Variants in ENGASE observed in about 807,000 individuals in gnomAD.
ENGASE encodes endo-beta-N-acetylglucosaminidase.
A neutral mutation model predicts 78.5 loss-of-function variants in ENGASE; 69 were observed. The ratio of observed to expected loss-of-function variants is 0.88; its 90% CI spans 0.72 to 1.07. The LOEUF (loss-of-function observed/expected upper bound fraction) is 1.07, where lower values mean the gene tolerates loss of function less well. Among genes scored for constraint, ENGASE ranks in the 50% least tolerant of loss-of-function variants. The pLI, the probability that ENGASE is intolerant of heterozygous loss-of-function variation, is 0.00. For missense variants in ENGASE, 943 were observed against 988.4 expected, an observed-to-expected ratio of 0.95 and a Z score of 0.62; for synonymous variants, 408 against 408.9, an observed-to-expected ratio of 1.00 and a Z score of 0.03.
intron 3 of ENGASE, among the ~76,000 whole-genome samples, chr17:79,079,215 G>A (rs1042498948): frequency 6.6e-6 from 1 of 152,158 alleles, no homozygotes; most frequent in Admixed American, 6.5e-5. Flanking sequence ...CCAGGCTGGA[G>A]TACAGTGGTA....
intron 1 of ENGASE, among the ~76,000 whole-genome samples, chr17:79,076,328 G>T (rs990165090): frequency 6.6e-6 from 1 of 152,210 alleles, no homozygotes; most frequent in East Asian, 1.9e-4. Context: ...GCACTTGGGA[G>T]GCTGAGGCGT....
intron 6 of ENGASE, 152 bp downstream of exon 6, chr17:79,081,225 A>G (rs2015651): frequency 0.38 from 398,629 of 1,049,932 alleles, 81,420 homozygotes; most frequent in East Asian, 0.61. Flanking sequence ...AAGGTGGGCC[A>G]GGCGCAGTGG....
chr17:79,085,936 G>C lies in ENGASE; in HGVS notation c.1819G>C (p.Val607Leu). The C allele has an allele frequency of 6.3e-7, 1 of 1,594,812 alleles. No homozygotes were observed. The highest frequency in any genetic ancestry group is 1.3e-5 in the African/African-American group (1 of 74,940). Residue 607 changes from valine to leucine, a missense_variant, in exon 14 of 14, where the codon GTG becomes CTG. Physicochemically the swap from Val to Leu is conservative, Grantham distance 32. Transcript: ENST00000579016. ...GCTGAGCCTTCTCTCCTGCCAGGTG[G>C]TGGACGCTGCCAGCCTGCTGGCCCC... is the stretch of plus-strand genomic sequence containing the variant. ...FTCRLGEIQVVDAASLLAPLP... is the reference protein window; with the variant it reads ...FTCRLGEIQVLDAASLLAPLP...
chr17:79,080,375 A>C lies in ENGASE; in HGVS notation c.723+11A>C. ...GAGAACTCGCTGAGTGTGAGTGCCC[A>C]GCCCTCACCCACCTCCCCGCCCCTT... On this transcript the variant is annotated intron_variant, in intron 5 of 13. Transcript: ENST00000579016. The C allele has an allele frequency of 6.2e-7, 1 of 1,611,512 alleles. No homozygotes were observed.
chr17:79,082,060 C>T lies in ENGASE; in HGVS notation c.1035C>T (p.Asp345=). The part of the protein sequence containing the change: ...GNVVGGRFDT[D]KSLELIRKHG... ...TGGTCGGAGGCCGATTCGACACAGA[C>T]AAGGTGGGTGGTGGCTTTCGTCCAA... The change falls in exon 7 of 14, where the codon GAC becomes GAT. Residue 345 remains aspartate, a synonymous_variant. Transcript: ENST00000579016. 1.2e-6 allele frequency: 2 copies of T among 1,614,212 alleles called. No individual in the cohort carries two copies. The highest frequency in any genetic ancestry group is 1.7e-6 in the Non-Finnish European group (2 of 1,180,020).
Position 79,083,117 on chromosome 17 carries a change from A to G in ENGASE, c.1136A>G (p.Gln379Arg), listed in dbSNP as rs1388529948. The change falls in exon 8 of 14, where the codon CAG (glutamine) becomes CGG (arginine). Residue 379 changes from glutamine (Q) to arginine (R), a missense_variant. By Grantham distance (43) the Gln-to-Arg change is conservative. Coordinates refer to ENST00000579016, the MANE Select transcript of ENGASE (RefSeq NM_001042573.3). The surrounding 1 kb of genome is among the most constrained non-coding windows in gnomAD (Gnocchi z 4.9). ...CLEKKDFFQN[Q>R]DKFWGRLERY... ...GAGAAGAAGGATTTCTTCCAGAACC[A>G]GGACAAGTGAGTCCTGCTGTCCTGG... is the stretch of plus-strand genomic sequence containing the variant. 3 of 1,611,734 alleles carry G rather than the reference A, an allele frequency of 1.9e-6. No homozygotes were observed. Among genetic ancestry groups the G allele is most frequent in the Middle Eastern group, 1.7e-4 (1 of 6,060 alleles).
intron 7 of ENGASE, chr17:79,082,542 G>A: frequency 1.6e-6 from 2 of 1,218,508 alleles, no homozygotes; most frequent in Non-Finnish European, 2.1e-6. Context: ...ACAGAGGAAG[G>A]AGCGGGGCCA....
At chr17:79,084,470 G>A (rs1024030658) in intron 10 of ENGASE, 68 bp from the exon 11 acceptor site, 28 of 1,451,300 alleles carry the variant, frequency 1.9e-5, no homozygotes, top group East Asian at 2.6e-5. Flanking sequence ...TGGTGGACGC[G>A]ATTTGGAGCT....
intron 11 of ENGASE, 57 bp downstream of exon 11, chr17:79,084,743 A>C: frequency 6.3e-7 from 1 of 1,581,828 alleles, no homozygotes; most frequent in Non-Finnish European, 8.6e-7. Context: ...CAGGGAAGAG[A>C]AGTGTGGAGA....
At chr17:79,075,507 T>C (rs2072947639) in intron 1 of ENGASE, among the ~76,000 whole-genome samples, 1 of 152,182 alleles carries the variant, frequency 6.6e-6, no homozygotes, top group Non-Finnish European at 1.5e-5. Context: ...ACACTAGAAC[T>C]GAGTCTTTGG....
Position 79,079,435 on chromosome 17 carries a change from T to C in ENGASE, c.417-54T>C. ...CACCTGCCTTGGCCTGCCAAAGTGC[T>C]GGGAATAAAGGCATGAGCTGCCGTG... On this transcript the variant is annotated intron_variant, in intron 3 of 13. Transcript: ENST00000579016. The C allele has an allele frequency of 1.9e-6, 3 of 1,578,620 alleles. No homozygotes were observed. The Admixed American group carries it at 5.4e-5, about 28-fold the overall frequency.
rs376909473 is a variant in ENGASE, at chr17:79,086,382, C to T, written c.*33C>T. ...CTAAGGCCGGGTGGTCTCCTGGCCT[C>T]GGGCTGAGGCCTCTTCCCGGCTGTC... On this transcript the variant is annotated 3_prime_UTR_variant, in exon 14 of 14. Coordinates refer to ENST00000579016, the MANE Select transcript of ENGASE (RefSeq NM_001042573.3). 379 of 1,584,180 alleles carry T rather than the reference C, an allele frequency of 2.4e-4. No individual in the cohort carries two copies. Among genetic ancestry groups the T allele is most frequent in the Non-Finnish European group, 3.1e-4 (360 of 1,164,700 alleles).
At position 79,084,725 on chromosome 17, in the gene ENGASE, G is replaced by T. The variant is rs750131354; in HGVS notation, c.1591+39G>T. The stretch of plus-strand genomic sequence containing the variant: ...GCCCAGGCCTGCCTCTGCCCAGGGC[G>T]GAGAGCTCAGGGAAGAGAAGTGTGG... On this transcript the variant is annotated intron_variant, in intron 11 of 13. Coordinates refer to ENST00000579016, the MANE Select transcript of ENGASE (RefSeq NM_001042573.3). The T allele has an allele frequency of 1.9e-6, 3 of 1,602,020 alleles. No individual in the cohort carries two copies. The African/African-American group carries it at 4.0e-5, about 22-fold the overall frequency.
chr17:79,076,331 T>C (rs747101946), intron 1 of ENGASE, among the ~76,000 whole-genome samples: 3 of 152,198 alleles, frequency 2.0e-5, no homozygotes, highest in Admixed American at 6.5e-5. Context: ...CTTGGGAGGC[T>C]GAGGCGTGTG....
chr17:79,074,883 C>T lies in ENGASE; in HGVS notation c.-62C>T. The T allele has an allele frequency of 1.6e-6, 2 of 1,234,644 alleles. No homozygotes were observed. Among genetic ancestry groups the T allele is most frequent in the Middle Eastern group, 3.2e-4 (1 of 3,108 alleles). 76.5% of individuals were successfully genotyped at this position (1,234,644 alleles called of 1,614,324 possible). On this transcript the variant is annotated 5_prime_UTR_variant, in exon 1 of 14. Transcript: ENST00000579016. ...TCAGCGCTGCGCACTTCCCATTGGC[C>T]GAGCGCGGCGCGGGGGCGGGCCCGG...
At chr17:79,080,884 C>A in intron 5 of ENGASE, 41 bp from the exon 6 acceptor site, 1 of 1,585,786 alleles carries the variant, frequency 6.3e-7, no homozygotes, top group Non-Finnish European at 8.6e-7. Context: ...ATAGATAGAT[C>A]TGGGGCTCAC....
intron 1 of ENGASE, among the ~76,000 whole-genome samples, chr17:79,077,120 C>CT (rs1354616349): frequency 1.3e-5 from 2 of 152,218 alleles, no homozygotes; most frequent in African/African-American, 4.8e-5. Context: ...ATTCGCCTGC[C>CT]TTGGCTTCCC....
intron 7 of ENGASE, 58 bp from the exon 8 acceptor site, chr17:79,082,962 C>T: frequency 6.3e-7 from 1 of 1,593,572 alleles, no homozygotes; most frequent in Non-Finnish European, 8.6e-7. Context: ...CACTGGCGTC[C>T]AGGAGCCTGT....
chr17:79,086,080 C>T lies in ENGASE; in HGVS notation c.1963C>T (p.Leu655Phe), dbSNP rs2073296121. The stretch of plus-strand genomic sequence containing the variant: ...CTGCACCCTGCACTGGTCCTTCCTC[C>T]TCTCACAAGTCCGTTGCTTCCGAAT... ...LSCTLHWSFL[L>F]SQVRCFRIHC... is the part of the protein sequence containing the mutation. The change falls in exon 14 of 14, where the codon CTC becomes TTC. Residue 655 changes from leucine to phenylalanine, a missense_variant. By Grantham distance (22) the Leu-to-Phe change is conservative. Coordinates refer to ENST00000579016, the MANE Select transcript of ENGASE (RefSeq NM_001042573.3). The T allele has an allele frequency of 6.2e-7, 1 of 1,613,582 alleles. No homozygotes were observed. Among genetic ancestry groups the T allele is most frequent in the African/African-American group, 1.3e-5 (1 of 75,072 alleles).
Sources: gnomAD v4.1 joint callset for allele counts (sites outside exome capture counted in the v4.1 genomes callset) on GRCh38, gnomAD v4.1.1 for gene constraint, Gnocchi (gnomAD v3.1) non-coding constraint, MANE v1.5 for transcripts, NCBI Gene and HGNC (gene_info 2026-07-23, HGNC 2026-07-21) for gene names.